Variants in PSMA8 observed in about 807,000 individuals in gnomAD.
PSMA8 encodes the protein proteasome subunit alpha-type 8.
Under a neutral mutation model 32.4 loss-of-function variants are expected in PSMA8, and 18 were observed. That is an observed-to-expected ratio of 0.56 (90% CI 0.38 to 0.82). The LOEUF (loss-of-function observed/expected upper bound fraction) is 0.82, where lower values mean the gene tolerates loss of function less well. PSMA8 is among the 40% of genes least tolerant of loss of function. The pLI is 0.00. For missense variants in PSMA8, 298 were observed against 300.7 expected, an observed-to-expected ratio of 0.99 and a Z score of 0.07; for synonymous variants, 104 against 98.1, an observed-to-expected ratio of 1.06 and a Z score of -0.36.
chr18:26,138,566 A>G (rs2054930515), intron 1 of PSMA8, among the ~76,000 whole-genome samples: 2 of 152,224 alleles, frequency 1.3e-5, no homozygotes, highest in Admixed American at 1.3e-4. Context: ...AAGTAAAGGA[A>G]TGCCACATTC....
intron 4 of PSMA8, 143 bp downstream of exon 4, chr18:26,158,387 T>G (rs1176649222): frequency 1.0e-5 from 7 of 696,028 alleles, no homozygotes; most frequent in Non-Finnish European, 1.6e-5. Context: ...CGTCAGAAAC[T>G]ACAATGATTT....
chr18:26,171,981 A>G (rs1013446055), intron 4 of PSMA8, among the ~76,000 whole-genome samples: 6 of 152,226 alleles, frequency 3.9e-5, no homozygotes, highest in Admixed American at 2.6e-4. Flanking sequence ...GGCCTGGTTG[A>G]ATGCTGTGAA....
chr18:26,134,281 G>A (rs2054890526), intron 1 of PSMA8, among the ~76,000 whole-genome samples: 1 of 151,866 alleles, frequency 6.6e-6, no homozygotes, highest in South Asian at 2.1e-4. Flanking sequence ...CCCTATCTCT[G>A]CTGTTCAACT....
At chr18:26,141,706 CTTTTTTCTTTTTT>C (rs1451808351) in intron 1 of PSMA8, among the ~76,000 whole-genome samples, 2 of 128,056 alleles carry the variant, frequency 1.6e-5, no homozygotes, top group African/African-American at 6.1e-5. Flanking sequence ...CTGTTTCTTT[CTTTTTTCTTTTTT>C]TTTTTTTTTT....
At chr18:26,142,942 C>G (rs1483025074) in intron 1 of PSMA8, among the ~76,000 whole-genome samples, 1 of 152,172 alleles carries the variant, frequency 6.6e-6, no homozygotes, top group East Asian at 1.9e-4. Flanking sequence ...CACAGCAACT[C>G]AATCCCTATC....
intron 2 of PSMA8, among the ~76,000 whole-genome samples, chr18:26,146,502 T>C (rs1390254235): frequency 1.3e-5 from 2 of 152,180 alleles, no homozygotes; most frequent in African/African-American, 4.8e-5. Context: ...TAGTGGCTCA[T>C]ACCTGTAATC....
intron 3 of PSMA8, among the ~76,000 whole-genome samples, chr18:26,153,662 T>C (rs1445406747): frequency 6.6e-6 from 1 of 152,190 alleles, no homozygotes; most frequent in African/African-American, 2.4e-5. Flanking sequence ...ACTCAAGTGG[T>C]TAAGAGTGTG....
rs9957115 is a variant in PSMA8 at position 26,175,588 on chromosome 18, T to A, written c.478-3242T>A. Among the ~76,000 whole-genome samples the A allele has an allele frequency of 4.1e-3, 623 of 152,326 alleles. 1 individual carries two copies. The highest frequency in any genetic ancestry group is 0.011 in the African/African-American group (463 of 41,578). On this transcript the variant is annotated intron_variant, in intron 4 of 6. Transcript: ENST00000415576. ...GAACCTTCCCAAGGGAGTTAAGAGC[T>A]GAGGGCTGTCTGCCATTACCACTTC...
intron 4 of PSMA8, among the ~76,000 whole-genome samples, chr18:26,175,529 A>G (rs890442473): frequency 2.6e-5 from 4 of 152,152 alleles, no homozygotes; most frequent in Non-Finnish European, 4.4e-5. Flanking sequence ...GGAAGAGCAC[A>G]TGACCTTACC....
rs139896833 is a variant in PSMA8, at chr18:26,178,863, C to T, written c.511C>T (p.Arg171Ter). The T allele has an allele frequency of 2.5e-5, 40 of 1,613,328 alleles. No homozygotes were observed. Among genetic ancestry groups the T allele is most frequent in the Non-Finnish European group, 3.2e-5 (38 of 1,179,676 alleles). Residue 171 changes from arginine to a stop codon, truncating the protein, a stop_gained, in exon 5 of 7, where the codon CGA becomes TGA. Coordinates refer to ENST00000415576, the MANE Select transcript of PSMA8 (RefSeq NM_001025096.2). LOFTEE classifies it high-confidence loss of function. ...NAIGRSAKTV[R>*]EFLEKNYTED... The stretch of plus-strand genomic sequence containing the variant: ...AATAGGCCGAAGTGCTAAAACTGTT[C>T]GAGAATTTCTAGAAAAGAATTACAC...
intron 1 of PSMA8, among the ~76,000 whole-genome samples, chr18:26,143,729 CT>C (rs973362142): frequency 1.5e-4 from 22 of 148,888 alleles, no homozygotes; most frequent in African/African-American, 2.7e-4. Flanking sequence ...ATCATACTTT[CT>C]TTTTTTTTTG....
chr18:26,189,623 A>T (rs1008201581), intron 6 of PSMA8, among the ~76,000 whole-genome samples: 1 of 152,238 alleles, frequency 6.6e-6, no homozygotes, highest in Non-Finnish European at 1.5e-5. Flanking sequence ...AAAATGGCTT[A>T]TATCTAATAG....
chr18:26,154,577 A>G (rs990841464), intron 3 of PSMA8, among the ~76,000 whole-genome samples: 1 of 151,896 alleles, frequency 6.6e-6, no homozygotes, highest in Non-Finnish European at 1.5e-5. Flanking sequence ...GATATCTCAT[A>G]TGCACCTTTT....
intron 1 of PSMA8, among the ~76,000 whole-genome samples, chr18:26,142,853 A>T (rs887972667): frequency 5.9e-5 from 9 of 152,114 alleles, no homozygotes; most frequent in African/African-American, 1.9e-4. Context: ...CACCTCTCAA[A>T]GGCCCTACCT....
chr18:26,186,793 G>A (rs2055358914), intron 6 of PSMA8, among the ~76,000 whole-genome samples: 1 of 152,090 alleles, frequency 6.6e-6, no homozygotes, highest in Non-Finnish European at 1.5e-5. Flanking sequence ...AAAACATGAG[G>A]ACAATTCTAG....
chr18:26,139,521 T>C (rs1442676135), intron 1 of PSMA8, among the ~76,000 whole-genome samples: 1 of 152,184 alleles, frequency 6.6e-6, no homozygotes, highest in Non-Finnish European at 1.5e-5. Context: ...AGTACATGTT[T>C]GAAATTTAAG....
intron 6 of PSMA8, among the ~76,000 whole-genome samples, chr18:26,186,491 A>G (rs1402940926): frequency 6.6e-6 from 1 of 151,946 alleles, no homozygotes. Flanking sequence ...TGATGCCTCT[A>G]CCCCTTATTC....
At chr18:26,168,497 T>C (rs1342076119) in intron 4 of PSMA8, among the ~76,000 whole-genome samples, 4 of 125,896 alleles carry the variant, frequency 3.2e-5, no homozygotes, top group Non-Finnish European at 6.1e-5. Context: ...TGTTTTTTTT[T>C]TTTTTTTTTT....
chr18:26,146,146 C>T (rs1255780350), intron 2 of PSMA8, among the ~76,000 whole-genome samples: 1 of 149,290 alleles, frequency 6.7e-6, no homozygotes, highest in Non-Finnish European at 1.5e-5. Context: ...CCCTATACAG[C>T]AAATAAGACA....
Sources: gnomAD v4.1 joint callset for allele counts (sites outside exome capture counted in the v4.1 genomes callset) on GRCh38, gnomAD v4.1.1 for gene constraint, MANE v1.5 for transcripts, NCBI Gene and HGNC (gene_info 2026-07-23, HGNC 2026-07-21) for gene names.